The following OSBPL8 variants were observed in gnomAD, a reference collection of about 807,000 sequenced individuals.
OSBPL8 encodes the protein oxysterol-binding protein-related protein 8.
In OSBPL8, 59 loss-of-function variants were observed where a neutral mutation model predicts 125.5. That is an observed-to-expected ratio of 0.47 (90% CI 0.38 to 0.58). The LOEUF (loss-of-function observed/expected upper bound fraction) is 0.58, where lower values mean the gene tolerates loss of function less well. OSBPL8 is among the 20% of genes least tolerant of loss of function. OSBPL8 has a pLI of 0.00. For missense variants in OSBPL8, 758 were observed against 1,047.8 expected (o/e 0.72, Z 3.82); for synonymous variants, 330 against 338.9 (o/e 0.97, Z 0.29).
intron 4 of OSBPL8, among the ~76,000 whole-genome samples, chr12:76,437,561 T>G (rs556026427): frequency 6.6e-6 from 1 of 152,354 alleles, no homozygotes; most frequent in South Asian, 2.1e-4. Flanking sequence ...GTTAGTTACA[T>G]GCACTGCAAC....
intron 9 of OSBPL8, among the ~76,000 whole-genome samples, chr12:76,393,710 CAAAAAAA>C (rs11423585): frequency 2.3e-4 from 12 of 52,280 alleles, no homozygotes; most frequent in East Asian, 1.5e-3. Flanking sequence ...GACTCCGTTT[CAAAAAAA>C]AAAAAAAAAA....
At position 76,558,302 on chromosome 12, in the gene OSBPL8, A is replaced by C. The variant is rs533196721; in HGVS notation, c.-68+1095T>G. ...GCATAGAAACTGATCATAGCCTCTCAGCAAAATCAAGTTTAGATGAAACTC... is the reference window on the plus strand; with the variant it reads ...GCATAGAAACTGATCATAGCCTCTCCGCAAAATCAAGTTTAGATGAAACTC... On this transcript the variant is annotated intron_variant, in intron 1 of 23. Coordinates refer to ENST00000261183, the MANE Select transcript of OSBPL8 (RefSeq NM_020841.5). 2.6e-5 allele frequency among the ~76,000 whole-genome samples: 4 copies of C among 152,330 alleles called. No individual in the cohort carries two copies. The South Asian group carries it at 6.2e-4, about 24-fold the overall frequency.
chr12:76,376,823 C>A (rs772926924), intron 16 of OSBPL8, among the ~76,000 whole-genome samples: 10 of 151,912 alleles, frequency 6.6e-5, no homozygotes, highest in Non-Finnish European at 1.3e-4. Context: ...ATGTGCAGAA[C>A]GTGAAGCTTT....
chr12:76,460,028 T>G lies in OSBPL8; in HGVS notation c.43-133A>C, dbSNP rs1874526404. ...CATTAGTTTATAAGTAGAAAGCACA[T>G]GCACATCAATAGTAATAACCGTAAT... On this transcript the variant is annotated intron_variant, in intron 2 of 23. Coordinates refer to ENST00000261183, the MANE Select transcript of OSBPL8 (RefSeq NM_020841.5). The G allele has an allele frequency of 5.3e-6, 4 of 758,892 alleles. No individual in the cohort carries two copies. In the Admixed American group the frequency reaches 6.2e-5, roughly 12 times the overall value. 47.0% of individuals were successfully genotyped at this position (758,892 alleles called of 1,614,324 possible). A position where few individuals can be genotyped will look rare whatever the true frequency, so the allele number is the denominator to read the frequency against.
In OSBPL8 at chr12:76,394,345, A is replaced by G. The variant is rs192041926; in HGVS notation, c.757+300T>C. On this transcript the variant is annotated intron_variant, in intron 9 of 23. Transcript: ENST00000261183. ...TAGTAAAATATAAAAAGTATTAAAT[A>G]TATCTTTAAGAGTACCATAAAGACC... is the stretch of plus-strand genomic sequence containing the variant. Among the ~76,000 whole-genome samples, 4 of 152,300 alleles carry G rather than the reference A, an allele frequency of 2.6e-5. No individual in the cohort carries two copies. In the East Asian group the frequency reaches 5.8e-4, roughly 22 times the overall value.
chr12:76,537,937 A>G (rs757697316), intron 1 of OSBPL8: 3 of 152,210 alleles, frequency 2.0e-5, no homozygotes, highest in Non-Finnish European at 4.4e-5. Flanking sequence ...AATAAAATAA[A>G]TAAAGACAGT....
intron 4 of OSBPL8, among the ~76,000 whole-genome samples, chr12:76,431,561 G>A (rs528889375): frequency 3.3e-4 from 51 of 152,260 alleles, no homozygotes; most frequent in African/African-American, 1.1e-3. Context: ...CTTTCTGAAA[G>A]GGCAGTGGTG....
At chr12:76,398,017 A>G (rs1349231941) in intron 7 of OSBPL8, 120 bp from the exon 8 acceptor site, 1 of 816,672 alleles carries the variant, frequency 1.2e-6, no homozygotes, top group African/African-American at 1.7e-5. Context: ...TAAATATTTT[A>G]TTTAAAAGCT....
intron 1 of OSBPL8, among the ~76,000 whole-genome samples, chr12:76,521,304 G>T (rs2137262776): frequency 6.6e-6 from 1 of 152,322 alleles, no homozygotes; most frequent in East Asian, 1.9e-4. Context: ...GTATTAAAAA[G>T]TGATGTATGC....
intron 1 of OSBPL8, among the ~76,000 whole-genome samples, chr12:76,558,882 T>C (rs1221902406): frequency 6.6e-6 from 1 of 152,190 alleles, no homozygotes; most frequent in Non-Finnish European, 1.5e-5. Flanking sequence ...GCTTTCCTCC[T>C]ACGTTACAAG....
At chr12:76,431,287 C>CA (rs201755091) in intron 4 of OSBPL8, among the ~76,000 whole-genome samples, 5,964 of 122,214 alleles carry the variant, frequency 0.049, 185 homozygotes, top group Admixed American at 0.099. Flanking sequence ...ACACCACTGC[C>CA]AAAAAAAGAA....
At chr12:76,541,810 C>T (rs757986573) in intron 1 of OSBPL8, among the ~76,000 whole-genome samples, 22 of 146,190 alleles carry the variant, frequency 1.5e-4, no homozygotes, top group Admixed American at 4.1e-4. Flanking sequence ...GAGCTGAGAT[C>T]GTGCCACTGC....
At chr12:76,527,244 C>T (rs1393357306) in intron 1 of OSBPL8, among the ~76,000 whole-genome samples, 2 of 101,968 alleles carry the variant, frequency 2.0e-5, no homozygotes, top group South Asian at 3.3e-4. Context: ...GGTGGTGGGC[C>T]GGGGTGGGGG....
intron 1 of OSBPL8, among the ~76,000 whole-genome samples, chr12:76,523,105 T>C (rs1950069514): frequency 1.3e-5 from 2 of 152,190 alleles, no homozygotes; most frequent in African/African-American, 4.8e-5. Context: ...CCCAAAGTGA[T>C]AGGATTACAG....
chr12:76,515,162 A>T (rs1468438680), intron 1 of OSBPL8, among the ~76,000 whole-genome samples: 1 of 152,226 alleles, frequency 6.6e-6, no homozygotes, highest in Non-Finnish European at 1.5e-5. Flanking sequence ...CAGCCAGTTC[A>T]GCCTTGGTAA....
chr12:76,369,430 C>T (rs1006351594), intron 20 of OSBPL8, 129 bp from the exon 21 acceptor site: 2 of 1,406,046 alleles, frequency 1.4e-6, no homozygotes, highest in Non-Finnish European at 1.9e-6. Flanking sequence ...TTCCCCATAC[C>T]TAATCTTCAG....
chr12:76,386,330 TAGTCAAAA>T (rs1953312590), intron 13 of OSBPL8, 64 bp from the exon 14 acceptor site: 1 of 1,514,948 alleles, frequency 6.6e-7, no homozygotes, highest in African/African-American at 1.4e-5. Context: ...TAGTTTAAAC[TAGTCAAAA>T]TGGGTTTAAC....
chr12:76,516,217 T>A (rs1014885752), intron 1 of OSBPL8, among the ~76,000 whole-genome samples: 9 of 152,182 alleles, frequency 5.9e-5, no homozygotes, highest in African/African-American at 2.2e-4. Context: ...AAGCAGGAGA[T>A]GAAACTCCCA....
intron 1 of OSBPL8, among the ~76,000 whole-genome samples, chr12:76,527,939 A>T (rs1950223230): frequency 6.6e-6 from 1 of 152,216 alleles, no homozygotes; most frequent in African/African-American, 2.4e-5. Context: ...AGAAATCAAT[A>T]AAGAGTTGTC....
Sources: allele counts gnomAD v4.1 joint callset (sites outside exome capture counted in the v4.1 genomes callset), GRCh38; gene constraint gnomAD v4.1.1; transcripts MANE v1.5; gene names NCBI Gene and HGNC (gene_info 2026-07-23, HGNC 2026-07-21).